Variants in TSPEAR observed in about 807,000 individuals in gnomAD.
TSPEAR encodes thrombospondin type laminin G domain and EAR repeats, also known as thrombospondin-type laminin G domain and EAR repeat-containing protein.
Under a neutral mutation model 71.6 loss-of-function variants are expected in TSPEAR, and 69 were observed. The observed-to-expected ratio is 0.96, with a 90% confidence interval of 0.79 to 1.18. TSPEAR has a LOEUF of 1.18. Ranked by LOEUF, TSPEAR falls within the 50% of genes most tolerant of loss-of-function variation. TSPEAR has a pLI of 0.00. For synonymous variants in TSPEAR, 402 were observed against 387.2 expected (o/e 1.04, Z -0.45); for missense variants, 971 against 894.9 (o/e 1.09, Z -1.09).
At chr21:44,669,956 C>T (rs13046471) in intron 1 of TSPEAR, among the ~76,000 whole-genome samples, 67,901 of 152,010 alleles carry the variant, frequency 0.45, 15,340 homozygotes, top group South Asian at 0.56. Context: ...GAAGGAGGCA[C>T]GCTGAATACA....
chr21:44,511,433 C>T (rs1234635707), intron 9 of TSPEAR, among the ~76,000 whole-genome samples: 4 of 152,242 alleles, frequency 2.6e-5, no homozygotes, highest in Non-Finnish European at 1.5e-5. Context: ...TGTGGATACA[C>T]ATGCAGATAC....
chr21:44,567,691 A>G (rs1243980064), intron 2 of TSPEAR, 94 bp downstream of exon 2: 2 of 1,098,190 alleles, frequency 1.8e-6, no homozygotes, highest in African/African-American at 3.1e-5. Flanking sequence ...TCCTTGACAA[A>G]TGCCGCCCCT....
intron 9 of TSPEAR, chr21:44,516,196 G>C (rs1555913404): frequency 6.6e-6 from 1 of 152,280 alleles, no homozygotes; most frequent in Non-Finnish European, 1.5e-5. Context: ...AACAAGGAAG[G>C]CTGCCATCAG....
chr21:44,671,459 T>G (rs1274886232), intron 1 of TSPEAR, among the ~76,000 whole-genome samples: 1 of 152,210 alleles, frequency 6.6e-6, no homozygotes, highest in Non-Finnish European at 1.5e-5. Flanking sequence ...GACAGGCACA[T>G]TTGGCCCACT....
At chr21:44,534,060 G>A (rs2053033551) in intron 2 of TSPEAR, 137 bp from the exon 3 acceptor site, 1 of 656,946 alleles carries the variant, frequency 1.5e-6, no homozygotes, top group East Asian at 2.8e-5. Context: ...GAGGTGAGGG[G>A]GCGCGGTGGA....
rs369371631 is a variant in TSPEAR, at chr21:44,525,662, G to A, written c.1327C>T (p.His443Tyr). The A allele has an allele frequency of 5.0e-6, 8 of 1,613,986 alleles. No homozygotes were observed. The highest frequency in any genetic ancestry group is 2.7e-5 in the African/African-American group (2 of 74,924). ...GCCACTCCTGCCCTACCTTCCCGGT[G>A]GTTGGCCACCGCCAGGAAGTGCTCC... ...DGEHFLAVAN[H>Y]REGDNHNIDS... The change falls in exon 8 of 12, where the codon CAC becomes TAC. Residue 443 changes from histidine to tyrosine, a missense_variant. His to Tyr is a moderately conservative substitution (Grantham distance 83). Coordinates refer to ENST00000323084, the MANE Select transcript of TSPEAR (RefSeq NM_144991.3).
chr21:44,634,696 G>A (rs1328736007), intron 1 of TSPEAR, among the ~76,000 whole-genome samples: 2 of 152,152 alleles, frequency 1.3e-5, no homozygotes, highest in South Asian at 2.1e-4. Context: ...CTCCAAGGAG[G>A]ATATGCAAAT....
chr21:44,583,604 C>G (rs1733494323), intron 1 of TSPEAR, among the ~76,000 whole-genome samples: 1 of 152,152 alleles, frequency 6.6e-6, no homozygotes, highest in African/African-American at 2.4e-5. Flanking sequence ...GTGTATTAAT[C>G]TACTGAGTGT....
chr21:44,650,106 T>C (rs1241632400), intron 1 of TSPEAR, among the ~76,000 whole-genome samples: 2 of 151,892 alleles, frequency 1.3e-5, no homozygotes, highest in African/African-American at 4.8e-5. Context: ...GCACCTCTAG[T>C]CCCAGCTACT....
intron 1 of TSPEAR, chr21:44,702,501 C>A: frequency 6.2e-7 from 1 of 1,608,642 alleles, no homozygotes; most frequent in Non-Finnish European, 8.5e-7. Flanking sequence ...CTGTCTGTTG[C>A]AAGCCCGTCT....
chr21:44,665,851 A>T (rs1185345633), intron 1 of TSPEAR, among the ~76,000 whole-genome samples: 1 of 152,234 alleles, frequency 6.6e-6, no homozygotes, highest in Non-Finnish European at 1.5e-5. Context: ...CAGGACGTCC[A>T]CCAACCACAT....
intron 6 of TSPEAR, 94 bp from the exon 7 acceptor site, chr21:44,527,612 C>G (rs1467390329): frequency 2.5e-6 from 3 of 1,186,810 alleles, no homozygotes; most frequent in Middle Eastern, 2.4e-4. Flanking sequence ...CCCCAAGTCA[C>G]AAGCCACGAC....
At chr21:44,663,571 G>C (rs1194592322) in intron 1 of TSPEAR, among the ~76,000 whole-genome samples, 2 of 152,034 alleles carry the variant, frequency 1.3e-5, no homozygotes, top group Non-Finnish European at 2.9e-5. Flanking sequence ...CCAGAAAATA[G>C]AAGGAAAGGA....
intron 11 of TSPEAR, among the ~76,000 whole-genome samples, chr21:44,502,176 ACCT>A (rs2052044513): frequency 1.3e-5 from 2 of 152,132 alleles, no homozygotes; most frequent in Non-Finnish European, 2.9e-5. Context: ...GCCAAAGGAG[ACCT>A]CAGCCCTGGC....
At position 44,539,038 on chromosome 21, in the gene TSPEAR, C is replaced by T. The variant is rs587612430; in HGVS notation, c.304-5115G>A. The T allele has an allele frequency of 1.2e-4, 72 of 594,836 alleles. 1 individual carries two copies. Among genetic ancestry groups the T allele is most frequent in the African/African-American group, 3.5e-4 (19 of 53,888 alleles). The allele number at this position is 594,836 out of a possible 1,614,324, so 36.8% of individuals were successfully genotyped here. A position where few individuals can be genotyped will look rare whatever the true frequency, so the allele number is the denominator to read the frequency against. The stretch of plus-strand genomic sequence containing the variant: ...GGAGGAGGTGCTGAGAGGTTCAAGT[C>T]GAGGCCAAGTGACCCAGAGCAGAGA... On this transcript the variant is annotated intron_variant, in intron 2 of 11. Transcript: ENST00000323084.
Position 44,498,461 on chromosome 21 carries a change from C to T in TSPEAR, c.*1322G>A, listed in dbSNP as rs980942816. On this transcript the variant is annotated 3_prime_UTR_variant, in exon 12 of 12. Coordinates refer to ENST00000323084, the MANE Select transcript of TSPEAR (RefSeq NM_144991.3). ...GCCCCCAGAGGGGAGTGGCTCTCCA[C>T]TGGCCACAGCGATGGCTGGAGTGAG... 6.6e-6 allele frequency: 1 copy of T among 152,216 alleles called. No individual in the cohort carries two copies. The highest frequency in any genetic ancestry group is 1.5e-5 in the Non-Finnish European group (1 of 68,058). The allele number at this position is 152,216 out of a possible 1,614,324, so 9.4% of individuals were successfully genotyped here.
Position 44,711,407 on chromosome 21 carries a change from C to T in TSPEAR, c.82+26G>A. On this transcript the variant is annotated intron_variant, in intron 1 of 11. Transcript: ENST00000323084. The surrounding 1 kb of genome is among the most constrained non-coding windows in gnomAD (Gnocchi z 4.5). ...CCAGCTCCCCGGCAAGATACCCCCGCCCGAGTTCCCATGCCCCTGCCTTAC... is the reference window on the plus strand; with the variant it reads ...CCAGCTCCCCGGCAAGATACCCCCGTCCGAGTTCCCATGCCCCTGCCTTAC... 1 of 1,567,998 alleles carries T rather than the reference C, an allele frequency of 6.4e-7. No individual in the cohort carries two copies. The highest frequency in any genetic ancestry group is 1.2e-5 in the South Asian group (1 of 85,910).
intron 2 of TSPEAR, among the ~76,000 whole-genome samples, chr21:44,560,987 C>T (rs908967613): frequency 2.2e-4 from 34 of 151,854 alleles, no homozygotes; most frequent in Admixed American, 5.9e-4. Flanking sequence ...AAGATCAGAG[C>T]GGAACTGAAG....
In TSPEAR at chr21:44,522,085, A is replaced by G. The variant is rs782155784; in HGVS notation, c.1364T>C (p.Ile455Thr). Reference protein sequence around the residue: ...EGDNHNIDSVIYKWNPATRLF... With the variant: ...EGDNHNIDSVTYKWNPATRLF... Reference sequence around the variant, plus strand: ...CCGGGTTGCCGGGTTCCACTTGTAGATGACACTGTCGATGTTGTGGTTGTC... The same window carrying G: ...CCGGGTTGCCGGGTTCCACTTGTAGGTGACACTGTCGATGTTGTGGTTGTC... Residue 455 changes from isoleucine to threonine, a missense_variant, in exon 9 of 12, where the codon ATC becomes ACC. Coordinates refer to ENST00000323084, the MANE Select transcript of TSPEAR (RefSeq NM_144991.3). 4 of 1,613,986 alleles carry G rather than the reference A, an allele frequency of 2.5e-6. No homozygotes were observed. Among genetic ancestry groups the G allele is most frequent in the Non-Finnish European group, 3.4e-6 (4 of 1,179,980 alleles).
Sources: allele counts gnomAD v4.1 joint callset (sites outside exome capture counted in the v4.1 genomes callset), GRCh38; gene constraint gnomAD v4.1.1; non-coding constraint Gnocchi (gnomAD v3.1); transcripts MANE v1.5; gene names NCBI Gene and HGNC (gene_info 2026-07-23, HGNC 2026-07-21).